CDH18: variants seen among roughly 807,000 people sequenced by gnomAD.
CDH18 encodes cadherin-18.
In CDH18, 31 loss-of-function variants were observed where a neutral mutation model predicts 67.9. The ratio of observed to expected loss-of-function variants is 0.46; its 90% CI spans 0.34 to 0.62. The LOEUF is 0.62. Ranked by LOEUF, CDH18 falls within the 20% of genes least tolerant of loss-of-function variation. The pLI is 0.01. For missense variants in CDH18, 890 were observed against 975.5 expected, an observed-to-expected ratio of 0.91 and a Z score of 1.17; for synonymous variants, 362 against 347.2, an observed-to-expected ratio of 1.04 and a Z score of -0.48.
intron 2 of CDH18, among the ~76,000 whole-genome samples, chr5:20,192,158 T>C (rs1455692452): frequency 6.6e-6 from 1 of 152,130 alleles, no homozygotes; most frequent in Non-Finnish European, 1.5e-5. Flanking sequence ...AAATGTCTTC[T>C]TTTGAGAAGT....
At chr5:20,040,394 T>C (rs565784701) in intron 2 of CDH18, among the ~76,000 whole-genome samples, 213 of 152,182 alleles carry the variant, frequency 1.4e-3, no homozygotes, top group African/African-American at 4.8e-3. Context: ...GCTTTTCCAT[T>C]GGGTTTATAA....
intron 2 of CDH18, among the ~76,000 whole-genome samples, chr5:20,178,332 TTATC>T (rs1471999078): frequency 1.1e-4 from 17 of 152,046 alleles, no homozygotes; most frequent in Non-Finnish European, 2.2e-4. Context: ...CTCTTTCTTT[TTATC>T]TATCTATGTA....
chr5:20,128,207 A>G (rs557828238), intron 2 of CDH18, among the ~76,000 whole-genome samples: 23 of 152,180 alleles, frequency 1.5e-4, no homozygotes, highest in African/African-American at 5.3e-4. Context: ...TTCATCTGTA[A>G]TGATAACAGC....
intron 11 of CDH18, among the ~76,000 whole-genome samples, chr5:19,501,126 T>C (rs1250803481): frequency 6.8e-6 from 1 of 147,898 alleles, no homozygotes; most frequent in Non-Finnish European, 1.5e-5. Context: ...AGAGGGAAAC[T>C]CTATCTCAAT....
intron 1 of CDH18, among the ~76,000 whole-genome samples, chr5:20,300,962 T>C (rs2149966265): frequency 6.6e-6 from 1 of 152,158 alleles, no homozygotes; most frequent in South Asian, 2.1e-4. Context: ...TCATTCACTT[T>C]AAAAAAAATT....
chr5:20,105,134 T>C (rs1176978660), intron 2 of CDH18, among the ~76,000 whole-genome samples: 12 of 151,816 alleles, frequency 7.9e-5, no homozygotes, highest in Admixed American at 6.6e-4. Flanking sequence ...ATTACAGGCA[T>C]ATGGAACTAG....
chr5:20,356,503 T>C (rs945488765), intron 1 of CDH18, among the ~76,000 whole-genome samples: 2 of 152,116 alleles, frequency 1.3e-5, no homozygotes, highest in East Asian at 1.9e-4. Flanking sequence ...AGCTTAGAAA[T>C]TCATCTGACT....
At chr5:19,711,814 C>T (rs916490837) in intron 5 of CDH18, among the ~76,000 whole-genome samples, 19 of 151,996 alleles carry the variant, frequency 1.3e-4, no homozygotes, top group African/African-American at 4.6e-4. Context: ...AAACCCACTA[C>T]TACTACTACC....
At chr5:19,647,349 C>T (rs571144541) in intron 5 of CDH18, among the ~76,000 whole-genome samples, 3 of 140,338 alleles carry the variant, frequency 2.1e-5, no homozygotes, top group South Asian at 2.6e-4. Context: ...GATGAAACCC[C>T]GTCTCTACTA....
intron 1 of CDH18, among the ~76,000 whole-genome samples, chr5:19,985,597 CA>C (rs1386963442): frequency 6.6e-6 from 1 of 151,874 alleles, no homozygotes; most frequent in African/African-American, 2.4e-5. Flanking sequence ...AAAAGTCCCC[CA>C]GGAGAATGAT....
chr5:20,273,530 T>C (rs1745588521), intron 1 of CDH18, among the ~76,000 whole-genome samples: 1 of 152,128 alleles, frequency 6.6e-6, no homozygotes, highest in Admixed American at 6.6e-5. Context: ...TGATGCAGTA[T>C]GATAACTAAG....
intron 1 of CDH18, among the ~76,000 whole-genome samples, chr5:20,284,529 G>A (rs1471584228): frequency 2.0e-5 from 3 of 151,988 alleles, no homozygotes; most frequent in East Asian, 3.9e-4. Flanking sequence ...TTATTGGAAC[G>A]ATTGACATTT....
At chr5:19,767,301 A>G (rs997056237) in intron 3 of CDH18, among the ~76,000 whole-genome samples, 1 of 152,042 alleles carries the variant, frequency 6.6e-6, no homozygotes, top group African/African-American at 2.4e-5. Context: ...TGACAAACGT[A>G]GAAAAAATGG....
chr5:19,786,269 T>C (rs1334649001), intron 3 of CDH18, among the ~76,000 whole-genome samples: 1 of 152,150 alleles, frequency 6.6e-6, no homozygotes, highest in Admixed American at 6.5e-5. Flanking sequence ...GCCTCTCAAT[T>C]TCTGGTTTTG....
intron 1 of CDH18, among the ~76,000 whole-genome samples, chr5:20,494,339 A>C (rs1375145153): frequency 6.6e-6 from 1 of 152,174 alleles, no homozygotes; most frequent in Non-Finnish European, 1.5e-5. Flanking sequence ...TAAGAGAAGA[A>C]GCAGTAATGT....
At chr5:19,956,513 G>A (rs1579790753) in intron 2 of CDH18, among the ~76,000 whole-genome samples, 1 of 151,278 alleles carries the variant, frequency 6.6e-6, no homozygotes, top group African/African-American at 2.4e-5. Context: ...TTTCTGTACA[G>A]GATTGCCAAC....
At chr5:20,499,681 C>A (rs1219547632) in intron 1 of CDH18, among the ~76,000 whole-genome samples, 1 of 152,060 alleles carries the variant, frequency 6.6e-6, no homozygotes. Flanking sequence ...TTAGCTTTGC[C>A]TTATCAACAG....
chr5:20,480,410 A>G (rs1752709870), intron 1 of CDH18, among the ~76,000 whole-genome samples: 1 of 151,572 alleles, frequency 6.6e-6, no homozygotes, highest in Non-Finnish European at 1.5e-5. Context: ...TAAAGTGTAG[A>G]GTCTTTTTGT....
At chr5:19,816,308 T>A (rs967242820) in intron 3 of CDH18, among the ~76,000 whole-genome samples, 1 of 151,956 alleles carries the variant, frequency 6.6e-6, no homozygotes, top group East Asian at 1.9e-4. Flanking sequence ...GTTTCTTAAT[T>A]TTCTTAAGAA....
Sources: gnomAD v4.1 joint callset for allele counts (sites outside exome capture counted in the v4.1 genomes callset) on GRCh38, gnomAD v4.1.1 for gene constraint, MANE v1.5 for transcripts, NCBI Gene and HGNC (gene_info 2026-07-23, HGNC 2026-07-21) for gene names.